Variants in AGBL4 observed in about 807,000 individuals in gnomAD.
AGBL4 encodes the protein cytosolic carboxypeptidase 6.
AGBL4 carries 58 observed loss-of-function variants against 66.4 expected under a neutral mutation model. That is an observed-to-expected ratio of 0.87 (90% CI 0.71 to 1.09). The LOEUF is 1.09. Among genes scored for constraint, AGBL4 ranks in the 50% least tolerant of loss-of-function variants. The pLI is 0.00. For synonymous variants in AGBL4, 234 were observed against 222.9 expected, an observed-to-expected ratio of 1.05 and a Z score of -0.44; for missense variants, 579 against 631.0, an observed-to-expected ratio of 0.92 and a Z score of 0.88.
At chr1:48,775,018 C>T (rs567667877) in intron 6 of AGBL4, among the ~76,000 whole-genome samples, 37 of 152,348 alleles carry the variant, frequency 2.4e-4, no homozygotes, top group African/African-American at 8.7e-4. Flanking sequence ...CTAGTTATAA[C>T]TTCCTCAAGC....
chr1:49,870,315 A>G (rs1420653301), intron 1 of AGBL4, among the ~76,000 whole-genome samples: 1 of 152,180 alleles, frequency 6.6e-6, no homozygotes, highest in Non-Finnish European at 1.5e-5. Flanking sequence ...GTGAAATGGT[A>G]TGTTGACAGT....
At chr1:48,531,669 C>T (rs1643907397), downstream of AGBL4, among the ~76,000 whole-genome samples, 1 of 152,200 alleles carries the variant, frequency 6.6e-6, no homozygotes. Context: ...TTTGGCAGCA[C>T]AGAACAAGTT....
At chr1:49,788,880 T>G (rs1275091603) in intron 2 of AGBL4, among the ~76,000 whole-genome samples, 2 of 152,180 alleles carry the variant, frequency 1.3e-5, no homozygotes, top group East Asian at 3.9e-4. Flanking sequence ...AATAATATGT[T>G]GAATAAGAGT....
chr1:48,559,297 C>T (rs1644363199), intron 11 of AGBL4, among the ~76,000 whole-genome samples: 1 of 152,202 alleles, frequency 6.6e-6, no homozygotes. Context: ...TAATCAAAAT[C>T]TCCCTTAGCC....
intron 1 of AGBL4, among the ~76,000 whole-genome samples, chr1:49,985,959 T>C (rs1370194652): frequency 6.6e-6 from 1 of 152,050 alleles, no homozygotes; most frequent in East Asian, 1.9e-4. Flanking sequence ...AAAAGCCCAA[T>C]TCCTCCTGCT....
rs1364200828 is a variant in AGBL4, at chr1:49,754,593, G to A, written c.158-57156C>T. Among the ~76,000 whole-genome samples the A allele has an allele frequency of 1.3e-5, 2 of 152,086 alleles. 1 individual carries two copies. Among genetic ancestry groups the A allele is most frequent in the East Asian group, 3.9e-4 (2 of 5,158 alleles). On this transcript the variant is annotated intron_variant, in intron 2 of 13. Transcript: ENST00000371839. ...TGTCCCAGAGGGGCACCCAACAGAT[G>A]CCAGCTGGAGCTCTCCTGTATGAAG...
intron 3 of AGBL4, among the ~76,000 whole-genome samples, chr1:49,485,892 T>C (rs1358221953): frequency 6.6e-6 from 1 of 151,874 alleles, no homozygotes; most frequent in African/African-American, 2.4e-5. Flanking sequence ...AAATGAAGAA[T>C]ACCTAATATT....
chr1:49,747,242 A>T (rs1651056735), intron 2 of AGBL4, among the ~76,000 whole-genome samples: 1 of 152,122 alleles, frequency 6.6e-6, no homozygotes, highest in Non-Finnish European at 1.5e-5. Context: ...AGTACATCAG[A>T]ACTGAGTTCT....
intron 6 of AGBL4, among the ~76,000 whole-genome samples, chr1:48,686,955 A>C (rs968018246): frequency 6.8e-6 from 1 of 147,450 alleles, no homozygotes; most frequent in Non-Finnish European, 1.5e-5. Flanking sequence ...GTGTGTGTAT[A>C]TGTGTTAGGG....
At chr1:49,449,331 A>T (rs1334055665) in intron 3 of AGBL4, among the ~76,000 whole-genome samples, 1 of 152,032 alleles carries the variant, frequency 6.6e-6, no homozygotes, top group Non-Finnish European at 1.5e-5. Flanking sequence ...GATAGGGAGG[A>T]GTGGTCACAG....
intron 4 of AGBL4, among the ~76,000 whole-genome samples, chr1:49,140,773 T>C (rs771755732): frequency 3.1e-4 from 47 of 152,368 alleles, no homozygotes; most frequent in Non-Finnish European, 4.4e-4. Flanking sequence ...ATGACATGTA[T>C]CCAGATCTTT....
At chr1:48,972,029 C>T (rs972012288) in intron 5 of AGBL4, among the ~76,000 whole-genome samples, 1 of 152,136 alleles carries the variant, frequency 6.6e-6, no homozygotes, top group Non-Finnish European at 1.5e-5. Context: ...ATGATCAAGG[C>T]TTGTGTTTGT....
intron 3 of AGBL4, among the ~76,000 whole-genome samples, chr1:49,343,912 A>G (rs768638360): frequency 3.3e-5 from 5 of 152,218 alleles, no homozygotes; most frequent in Non-Finnish European, 5.9e-5. Flanking sequence ...AAAGTTGTAA[A>G]GATTATTGAT....
chr1:49,089,783 G>GAC (rs368365535), intron 4 of AGBL4, among the ~76,000 whole-genome samples: 4 of 151,860 alleles, frequency 2.6e-5, no homozygotes, highest in Non-Finnish European at 4.4e-5. Context: ...ACTTGGCAGA[G>GAC]ACACACACAC....
chr1:49,932,883 T>C (rs1653509348), intron 1 of AGBL4, among the ~76,000 whole-genome samples: 1 of 151,826 alleles, frequency 6.6e-6, no homozygotes. Context: ...AATAGAAAAA[T>C]AGTTTAAAAA....
chr1:49,898,229 T>A (rs1649413098), intron 1 of AGBL4, among the ~76,000 whole-genome samples: 1 of 152,080 alleles, frequency 6.6e-6, no homozygotes, highest in African/African-American at 2.4e-5. Flanking sequence ...AAGGGATTAA[T>A]AATCAGAATG....
At chr1:49,554,063 T>C (rs181415926) in intron 3 of AGBL4, among the ~76,000 whole-genome samples, 1 of 152,030 alleles carries the variant, frequency 6.6e-6, no homozygotes, top group African/African-American at 2.4e-5. Flanking sequence ...AGGCCAGGAG[T>C]TCCAGGCAGC....
At position 49,366,763 on chromosome 1, in the gene AGBL4, A is replaced by G. The variant is rs1157526118; in HGVS notation, c.283-120899T>C. On this transcript the variant is annotated intron_variant, in intron 3 of 13. Transcript: ENST00000371839. ...CATATCTAGGCTCAACTTGACCTCA[A>G]AAGAAAGCTTCTTGCTGCTTTTCAA... is the stretch of plus-strand genomic sequence containing the variant. Among the ~76,000 whole-genome samples, 10 of 152,166 alleles carry G rather than the reference A, an allele frequency of 6.6e-5. No homozygotes were observed. In the East Asian group the frequency reaches 1.7e-3, roughly 26 times the overall value.
chr1:49,857,882 A>C (rs1416966104), intron 1 of AGBL4, among the ~76,000 whole-genome samples: 2 of 152,132 alleles, frequency 1.3e-5, no homozygotes, highest in African/African-American at 4.8e-5. Flanking sequence ...TTGAACTAAA[A>C]AGCTTCTGCA....
Sources: allele counts gnomAD v4.1 joint callset (sites outside exome capture counted in the v4.1 genomes callset), GRCh38; gene constraint gnomAD v4.1.1; transcripts MANE v1.5; gene names NCBI Gene and HGNC (gene_info 2026-07-23, HGNC 2026-07-21).